Variants in RYR2 observed in about 807,000 individuals in gnomAD.
The protein encoded by RYR2 is cardiac muscle ryanodine receptor-calcium release channel.
In RYR2, 227 loss-of-function variants were observed where a neutral mutation model predicts 601.1. The ratio of observed to expected loss-of-function variants is 0.38; its 90% CI spans 0.34 to 0.42. The LOEUF is 0.42. Ranked by LOEUF, RYR2 falls within the 10% of genes least tolerant of loss-of-function variation. The probability of loss-of-function intolerance (pLI) is 1.00; values close to 1 mark genes in which losing one functional copy is unlikely to be tolerated. For missense variants in RYR2, 4,646 were observed against 6,156.5 expected (o/e 0.75, Z 8.21); for synonymous variants, 2,223 against 2,175.1 (o/e 1.02, Z -0.61).
chr1:237,364,052 A>G (rs1214212329), intron 4 of RYR2, among the ~76,000 whole-genome samples: 11 of 152,144 alleles, frequency 7.2e-5, no homozygotes, highest in African/African-American at 1.9e-4. Context: ...TTAAGATGAT[A>G]CCTTTTTTGG....
In RYR2 at chr1:237,124,548, C is replaced by T. The variant is rs1045520741; in HGVS notation, c.48+81979C>T. ...TTTCTGAAGGTTCTAGGAGAGAATC[C>T]GTTTTCATGCCTTTTTCAGTTCCTA... On this transcript the variant is annotated intron_variant, in intron 1 of 104. Coordinates refer to ENST00000366574, the MANE Select transcript of RYR2 (RefSeq NM_001035.3). Among the ~76,000 whole-genome samples the T allele has an allele frequency of 3.3e-5, 5 of 152,276 alleles. 1 individual carries two copies. Among genetic ancestry groups the T allele is most frequent in the Non-Finnish European group, 2.9e-5 (2 of 68,008 alleles).
intron 80 of RYR2, among the ~76,000 whole-genome samples, chr1:237,747,493 A>C (rs775900384): frequency 6.6e-6 from 1 of 152,232 alleles, no homozygotes; most frequent in Non-Finnish European, 1.5e-5. Flanking sequence ...TGCACCATTA[A>C]GTATGGAAGA....
intron 2 of RYR2, among the ~76,000 whole-genome samples, chr1:237,308,772 C>T (rs12729784): frequency 0.34 from 51,345 of 151,970 alleles, 8,886 homozygotes; most frequent in South Asian, 0.51. Context: ...GCTTCTACAC[C>T]GTGGAAAGGG....
intron 80 of RYR2, among the ~76,000 whole-genome samples, chr1:237,743,218 T>C (rs1197211046): frequency 6.6e-6 from 1 of 152,152 alleles, no homozygotes; most frequent in Non-Finnish European, 1.5e-5. Context: ...TTAATTAAAG[T>C]GGACCCACAA....
At chr1:237,675,154 C>T (rs545026112) in intron 60 of RYR2, among the ~76,000 whole-genome samples, 88 of 152,202 alleles carry the variant, frequency 5.8e-4, no homozygotes, top group African/African-American at 2.0e-3. Flanking sequence ...AGTTAAATCT[C>T]GCCTATGAAA....
intron 1 of RYR2, among the ~76,000 whole-genome samples, chr1:237,108,691 C>G (rs1022257249): frequency 7.2e-5 from 11 of 152,144 alleles, no homozygotes; most frequent in African/African-American, 2.4e-4. Context: ...GAGAGTCCCT[C>G]CTCCTGGCAA....
intron 1 of RYR2, among the ~76,000 whole-genome samples, chr1:237,190,817 G>A (rs553869255): frequency 1.1e-4 from 16 of 152,276 alleles, no homozygotes; most frequent in Non-Finnish European, 2.2e-4. Flanking sequence ...TGAAGATGCC[G>A]AGGGATGACT....
At chr1:237,176,597 A>C (rs1208098839) in intron 1 of RYR2, among the ~76,000 whole-genome samples, 1 of 152,008 alleles carries the variant, frequency 6.6e-6, no homozygotes, top group Non-Finnish European at 1.5e-5. Context: ...AAACACCTTT[A>C]ATATCACAGA....
chr1:237,186,862 G>A (rs1490434172), intron 1 of RYR2, among the ~76,000 whole-genome samples: 1 of 152,244 alleles, frequency 6.6e-6, no homozygotes, highest in Non-Finnish European at 1.5e-5. Flanking sequence ...AATAGCTGCA[G>A]AGCTGATAGG....
At chr1:237,711,292 C>A (rs1028731418) in intron 70 of RYR2, among the ~76,000 whole-genome samples, 1 of 152,108 alleles carries the variant, frequency 6.6e-6, no homozygotes, top group Non-Finnish European at 1.5e-5. Context: ...TTTTGCCAGT[C>A]TTTTTATGTT....
intron 1 of RYR2, among the ~76,000 whole-genome samples, chr1:237,181,846 C>A (rs909979530): frequency 6.6e-6 from 1 of 152,038 alleles, no homozygotes; most frequent in African/African-American, 2.4e-5. Flanking sequence ...TTCAAATCTG[C>A]AATTCCTGTA....
At chr1:237,089,195 C>A (rs1666684036) in intron 1 of RYR2, among the ~76,000 whole-genome samples, 1 of 152,218 alleles carries the variant, frequency 6.6e-6, no homozygotes, top group East Asian at 1.9e-4. Context: ...GTGGGGGTAA[C>A]TGTATTACAT....
At chr1:237,711,903 T>C (rs1400527370) in intron 71 of RYR2, 66 bp downstream of exon 71, 2 of 777,840 alleles carry the variant, frequency 2.6e-6, no homozygotes, top group Non-Finnish European at 4.3e-6. Flanking sequence ...AATTGACTTT[T>C]TTTTTTTAGA....
intron 1 of RYR2, among the ~76,000 whole-genome samples, chr1:237,161,884 C>T (rs1232834674): frequency 6.6e-6 from 1 of 152,092 alleles, no homozygotes; most frequent in East Asian, 1.9e-4. Context: ...CTATTGGTTC[C>T]AAAACCCACC....
intron 1 of RYR2, among the ~76,000 whole-genome samples, chr1:237,133,006 G>A (rs116465120): frequency 0.017 from 2,571 of 152,260 alleles, 71 homozygotes; most frequent in African/African-American, 0.059. Context: ...CACTGAGGAA[G>A]CATGCAAGGG....
chr1:237,814,350 G>A (rs1297089552), intron 100 of RYR2, among the ~76,000 whole-genome samples: 1 of 152,126 alleles, frequency 6.6e-6, no homozygotes, highest in African/African-American at 2.4e-5. Flanking sequence ...ACAGGGCGAT[G>A]TCTATATTCT....
At chr1:237,309,892 G>T (rs1054054051) in intron 2 of RYR2, among the ~76,000 whole-genome samples, 13 of 152,158 alleles carry the variant, frequency 8.5e-5, no homozygotes, top group Non-Finnish European at 1.5e-4. Flanking sequence ...TCACTGCCCG[G>T]GGCCGGCAGT....
At chr1:237,136,744 G>A (rs1672824128) in intron 1 of RYR2, among the ~76,000 whole-genome samples, 1 of 152,164 alleles carries the variant, frequency 6.6e-6, no homozygotes, top group Non-Finnish European at 1.5e-5. Context: ...GGCTGGGTGT[G>A]GTGGCTTACG....
At chr1:237,290,995 A>C (rs1262111845) in intron 2 of RYR2, among the ~76,000 whole-genome samples, 1 of 152,196 alleles carries the variant, frequency 6.6e-6, no homozygotes, top group Non-Finnish European at 1.5e-5. Context: ...GAAAATGGTG[A>C]CAAAGATATG....
Sources: allele counts gnomAD v4.1 joint callset (sites outside exome capture counted in the v4.1 genomes callset), GRCh38; gene constraint gnomAD v4.1.1; transcripts MANE v1.5; gene names NCBI Gene and HGNC (gene_info 2026-07-23, HGNC 2026-07-21).